The following DNMBP variants were observed in gnomAD, a reference collection of about 807,000 sequenced individuals.
The protein encoded by DNMBP is dynamin-binding protein.
A neutral mutation model predicts 150.0 loss-of-function variants in DNMBP; 87 were observed. The ratio of observed to expected loss-of-function variants is 0.58; its 90% CI spans 0.49 to 0.69. DNMBP has a LOEUF of 0.69. Ranked by LOEUF, DNMBP falls within the 30% of genes least tolerant of loss-of-function variation. The pLI is 0.00. For missense variants in DNMBP, 1,774 were observed against 1,949.0 expected (o/e 0.91, Z 1.69); for synonymous variants, 711 against 750.4 (o/e 0.95, Z 0.86).
Position 99,955,642 on chromosome 10 carries a change from G to A in DNMBP, c.1832C>T (p.Pro611Leu), listed in dbSNP as rs563967846. ...LPERRKALRP[P>L]PPRPCTPVST... ...TACCGGAGTACAGGGACGAGGTGGCGGTGGCCTTAGGGCCTTTCTCCTTTC... is the reference window on the plus strand; with the variant it reads ...TACCGGAGTACAGGGACGAGGTGGCAGTGGCCTTAGGGCCTTTCTCCTTTC... Residue 611 changes from proline (P) to leucine (L), a missense_variant, in exon 4 of 17, where the codon CCG (proline) becomes CTG (leucine). By Grantham distance (98) the Pro-to-Leu change is moderately conservative (BLOSUM62 -3). This residue lies in a region of DNMBP where 1,430 missense variants were observed against 1,492.5 expected (regional missense o/e 0.96). Transcript: ENST00000324109. 1.7e-5 allele frequency: 28 copies of A among 1,614,184 alleles called. No individual in the cohort carries two copies. In the African/African-American group the frequency reaches 2.1e-4, roughly 12 times the overall value.
intron 12 of DNMBP, 104 bp from the exon 13 acceptor site, chr10:99,886,736 C>T (rs1196316816): frequency 5.3e-5 from 57 of 1,081,468 alleles, no homozygotes; most frequent in Non-Finnish European, 5.3e-5. Flanking sequence ...GAACCACCTA[C>T]TTCGTTTCTA....
chr10:99,998,594 A>AG (rs891520319), intron 1 of DNMBP, among the ~76,000 whole-genome samples: 5 of 152,000 alleles, frequency 3.3e-5, no homozygotes, highest in East Asian at 3.9e-4. Context: ...AAAAAAAAAA[A>AG]AAAAGAAACA....
At chr10:99,891,168 CT>C (rs1224667736) in intron 11 of DNMBP, among the ~76,000 whole-genome samples, 2,846 of 149,010 alleles carry the variant, frequency 0.019, 105 homozygotes, top group African/African-American at 0.066. Flanking sequence ...CCCTCTCCCC[CT>C]CTCCCTCCCC....
At chr10:99,908,869 T>C (rs1385526332) in intron 5 of DNMBP, 84 bp downstream of exon 5, 1 of 1,250,952 alleles carries the variant, frequency 8.0e-7, no homozygotes, top group African/African-American at 1.5e-5. Flanking sequence ...CCAATAAATC[T>C]GTGGCGAAAG....
At chr10:99,977,210 C>T (rs935625849) in intron 1 of DNMBP, among the ~76,000 whole-genome samples, 1 of 152,136 alleles carries the variant, frequency 6.6e-6, no homozygotes, top group Non-Finnish European at 1.5e-5. Context: ...GTCACGGCCT[C>T]GCTAAATTAC....
chr10:99,951,447 G>A (rs940741195), intron 4 of DNMBP, among the ~76,000 whole-genome samples: 1 of 152,186 alleles, frequency 6.6e-6, no homozygotes, highest in Non-Finnish European at 1.5e-5. Context: ...TGCACCGTGT[G>A]CCTGGAAAAG....
At position 99,909,083 on chromosome 10, in the gene DNMBP, T is replaced by G; in HGVS notation, c.2324A>C (p.Glu775Ala). ...CTCCAGCATCCTCTGCTCTGGATTT[T>G]CGGCAGACACAGACCCAGAAGGGGC... ...LVAPSGSVSA[E>A]NPEQRMLEKR... Residue 775 changes from glutamate (E) to alanine (A), a missense_variant, in exon 5 of 17, where the codon GAA becomes GCA. Coordinates refer to ENST00000324109, the MANE Select transcript of DNMBP (RefSeq NM_015221.4). 6.2e-7 allele frequency: 1 copy of G among 1,614,206 alleles called. No individual in the cohort carries two copies. Among genetic ancestry groups the G allele is most frequent in the Non-Finnish European group, 8.5e-7 (1 of 1,180,026 alleles).
rs79999778 is a variant in DNMBP, at chr10:99,954,004, C to T, written c.2260+1210G>A. On this transcript the variant is annotated intron_variant, in intron 4 of 16. Coordinates refer to ENST00000324109, the MANE Select transcript of DNMBP (RefSeq NM_015221.4). ...ATAGCAGAATAAGAGACATAAATGT[C>T]CCAGAGGTATATGTGTCTCCGAGGT... Among the ~76,000 whole-genome samples, 1,327 of 151,918 alleles carry T rather than the reference C, an allele frequency of 8.7e-3. 25 individuals carry two copies. Among genetic ancestry groups the T allele is most frequent in the African/African-American group, 0.031 (1,275 of 41,432 alleles).
chr10:99,930,677 C>T (rs2040143893), intron 4 of DNMBP: 2 of 702,144 alleles, frequency 2.8e-6, no homozygotes, highest in East Asian at 5.4e-5. Context: ...TCCGTACACT[C>T]CCGTAGTCTT....
intron 4 of DNMBP, chr10:99,930,250 C>T (rs2040134485): frequency 1.4e-6 from 1 of 702,798 alleles, no homozygotes; most frequent in Non-Finnish European, 2.6e-6. Context: ...TGAGGTTGAC[C>T]TAAATTCGCT....
intron 1 of DNMBP, among the ~76,000 whole-genome samples, chr10:100,009,406 C>T (rs2041109006): frequency 6.6e-6 from 1 of 152,270 alleles, no homozygotes; most frequent in Non-Finnish European, 1.5e-5. Context: ...GTCTCCCTGA[C>T]ACAGAATCAC....
intron 4 of DNMBP, among the ~76,000 whole-genome samples, chr10:99,922,841 T>C (rs1447768450): frequency 6.6e-6 from 1 of 152,200 alleles, no homozygotes; most frequent in Non-Finnish European, 1.5e-5. Context: ...AATATGGCCC[T>C]GCATTCATTT....
At chr10:99,923,582 T>C (rs1263204501) in intron 4 of DNMBP, among the ~76,000 whole-genome samples, 2 of 152,002 alleles carry the variant, frequency 1.3e-5, no homozygotes, top group Admixed American at 6.6e-5. Flanking sequence ...GCTATGGAGG[T>C]GGCTCACCTC....
chr10:99,940,109 T>A (rs1217097984), intron 4 of DNMBP, among the ~76,000 whole-genome samples: 1 of 152,194 alleles, frequency 6.6e-6, no homozygotes, highest in African/African-American at 2.4e-5. Context: ...ATTGGTTTTG[T>A]TTGTGCAGTG....
In DNMBP at chr10:99,972,126, T is replaced by C; in HGVS notation, c.-2A>G. ...TCGAACCACTGAGCCAGCCTCCATG[T>C]TTTATAACCTGGAAAGATAGATCAA... On this transcript the variant is annotated 5_prime_UTR_variant, in exon 2 of 17. Transcript: ENST00000324109. 6.2e-7 allele frequency: 1 copy of C among 1,610,602 alleles called. No individual in the cohort carries two copies. The highest frequency in any genetic ancestry group is 8.5e-7 in the Non-Finnish European group (1 of 1,179,056).
At chr10:99,995,110 T>C (rs1331918861) in intron 1 of DNMBP, among the ~76,000 whole-genome samples, 1 of 150,568 alleles carries the variant, frequency 6.6e-6, no homozygotes, top group East Asian at 2.0e-4. Context: ...TGGAGTGCGG[T>C]GGTGCGATGA....
At position 99,955,687 on chromosome 10, in the gene DNMBP, A is replaced by G; in HGVS notation, c.1787T>C (p.Ile596Thr). Residue 596 changes from isoleucine (I) to threonine (T), a missense_variant, in exon 4 of 17, where the codon ATC (isoleucine) becomes ACC (threonine). Ile to Thr is a moderately conservative substitution (Grantham distance 89). This residue lies in a region of DNMBP where 1,430 missense variants were observed against 1,492.5 expected (regional missense o/e 0.96). Transcript: ENST00000324109. The part of the protein sequence containing the change: ...KDIVRGSSKL[I>T]TEQELPERRK... ...CCTTTCCGGCAGCTCCTGCTCGGTG[A>G]TTAACTTTGAGGAACCTCGGACAAT... The G allele has an allele frequency of 6.2e-7, 1 of 1,614,202 alleles. No individual in the cohort carries two copies. The highest frequency in any genetic ancestry group is 2.2e-5 in the East Asian group (1 of 44,888).
intron 10 of DNMBP, 71 bp from the exon 11 acceptor site, chr10:99,895,121 G>GTTTTT: frequency 3.2e-6 from 2 of 632,842 alleles, no homozygotes; most frequent in East Asian, 3.5e-5. Flanking sequence ...AAAGTAGCTT[G>GTTTTT]CTTTTTTTTT....
At chr10:99,995,263 G>C (rs1253163628) in intron 1 of DNMBP, among the ~76,000 whole-genome samples, 1 of 151,970 alleles carries the variant, frequency 6.6e-6, no homozygotes, top group African/African-American at 2.4e-5. Flanking sequence ...TGTTGCCCAG[G>C]TTGGTCTCTT....
Sources: allele counts gnomAD v4.1 joint callset (sites outside exome capture counted in the v4.1 genomes callset), GRCh38; gene constraint gnomAD v4.1.1; regional missense constraint gnomAD v4.1.1; transcripts MANE v1.5; gene names NCBI Gene and HGNC (gene_info 2026-07-23, HGNC 2026-07-21).